Variants in CAMTA1 observed in about 807,000 individuals in gnomAD.
The protein encoded by CAMTA1 is calmodulin-binding transcription activator 1.
CAMTA1 carries 27 observed loss-of-function variants against 170.9 expected under a neutral mutation model. The observed-to-expected ratio is 0.16, with a 90% CI of 0.12 to 0.22. The LOEUF is 0.22. CAMTA1 is among the 10% of genes least tolerant of loss of function. CAMTA1 has a pLI of 1.00. For synonymous variants in CAMTA1, 833 were observed against 891.5 expected, an observed-to-expected ratio of 0.93 and a Z score of 1.17; for missense variants, 1,619 against 2,217.2, an observed-to-expected ratio of 0.73 and a Z score of 5.42.
intron 5 of CAMTA1, among the ~76,000 whole-genome samples, chr1:7,349,466 G>A (rs2084486534): frequency 6.6e-6 from 1 of 152,214 alleles, no homozygotes; most frequent in Admixed American, 6.5e-5. Flanking sequence ...CAGCTGCCTA[G>A]GGCTGATCCC....
intron 21 of CAMTA1, among the ~76,000 whole-genome samples, chr1:7,752,990 A>C (rs1228976759): frequency 6.6e-6 from 1 of 152,218 alleles, no homozygotes; most frequent in Non-Finnish European, 1.5e-5. Flanking sequence ...TTTCCACCAG[A>C]TAGCTGGTGC....
At chr1:6,950,774 A>G (rs550432578) in intron 3 of CAMTA1, among the ~76,000 whole-genome samples, 1 of 149,022 alleles carries the variant, frequency 6.7e-6, no homozygotes, top group Admixed American at 6.8e-5. Flanking sequence ...CATGTACCAC[A>G]AAGCAGGGAG....
chr1:7,149,795 C>T lies in CAMTA1; in HGVS notation c.302+58424C>T, dbSNP rs907451878. 1.5e-4 allele frequency among the ~76,000 whole-genome samples: 23 copies of T among 152,224 alleles called. 1 individual carries two copies. Among genetic ancestry groups the T allele is most frequent in the African/African-American group, 4.6e-4 (19 of 41,526 alleles). ...CAGGTCAGAGCTGGGCCAGAGGTGCCGACGGTGCCCAGGGTAAGGGGATGC... is the reference window on the plus strand; with the variant it reads ...CAGGTCAGAGCTGGGCCAGAGGTGCTGACGGTGCCCAGGGTAAGGGGATGC... On this transcript the variant is annotated intron_variant, in intron 4 of 22. Transcript: ENST00000303635.
intron 6 of CAMTA1, among the ~76,000 whole-genome samples, chr1:7,499,168 A>C (rs1170621898): frequency 9.9e-5 from 2 of 20,120 alleles, no homozygotes; most frequent in Non-Finnish European, 1.7e-4. Context: ...GTGTGTGTGC[A>C]TGTGTGTCCA....
chr1:6,822,830 ACACACACACG>A (rs1646666496), intron 2 of CAMTA1, among the ~76,000 whole-genome samples: 1 of 151,770 alleles, frequency 6.6e-6, no homozygotes, highest in East Asian at 1.9e-4. Context: ...ACACACAAAC[ACACACACACG>A]CACACTCTTT....
At chr1:7,509,506 T>C (rs2094170895) in intron 6 of CAMTA1, among the ~76,000 whole-genome samples, 1 of 152,214 alleles carries the variant, frequency 6.6e-6, no homozygotes, top group Admixed American at 6.5e-5. Flanking sequence ...TGGTTTACTC[T>C]ATTTCTGGAT....
chr1:7,629,985 C>T (rs6691615), intron 6 of CAMTA1, among the ~76,000 whole-genome samples: 29,214 of 152,176 alleles, frequency 0.19, 3,581 homozygotes, highest in African/African-American at 0.34. Flanking sequence ...AGCTCCCATA[C>T]CCTCTGACAC....
At chr1:6,984,958 G>A (rs1695111731) in intron 3 of CAMTA1, among the ~76,000 whole-genome samples, 1 of 152,210 alleles carries the variant, frequency 6.6e-6, no homozygotes, top group South Asian at 2.1e-4. Flanking sequence ...CCAGAGAAAG[G>A]GGTCGTTGTA....
At chr1:6,900,318 C>G (rs911187921) in intron 3 of CAMTA1, among the ~76,000 whole-genome samples, 1 of 152,162 alleles carries the variant, frequency 6.6e-6, no homozygotes, top group Non-Finnish European at 1.5e-5. Context: ...GCCTCCCGTT[C>G]CCGTGCAATG....
At chr1:7,240,896 A>T (rs1664744144) in intron 4 of CAMTA1, among the ~76,000 whole-genome samples, 1 of 152,226 alleles carries the variant, frequency 6.6e-6, no homozygotes, top group African/African-American at 2.4e-5. Context: ...AAAATCAGGA[A>T]CAGGGCAAAG....
At chr1:6,964,806 C>T (rs1175101988) in intron 3 of CAMTA1, among the ~76,000 whole-genome samples, 1 of 152,200 alleles carries the variant, frequency 6.6e-6, no homozygotes, top group Non-Finnish European at 1.5e-5. Flanking sequence ...TGAGATGCCG[C>T]CAGGGATTCT....
At chr1:7,095,017 G>T (rs544829738) in intron 4 of CAMTA1, among the ~76,000 whole-genome samples, 1 of 151,936 alleles carries the variant, frequency 6.6e-6, no homozygotes, top group Non-Finnish European at 1.5e-5. Context: ...TCTCGGGGAG[G>T]TGTCCCTGGC....
In CAMTA1 at chr1:7,137,367, T is replaced by C. The variant is rs917230111; in HGVS notation, c.302+45996T>C. ...GAAAGACCCCCACCAGCTCCTGTTC[T>C]ACTCAAAGTCTAGAAGACCCTGCTG... On this transcript the variant is annotated intron_variant, in intron 4 of 22. Transcript: ENST00000303635. Among the ~76,000 whole-genome samples the C allele has an allele frequency of 2.0e-5, 3 of 152,246 alleles. No homozygotes were observed. In the East Asian group the frequency reaches 5.8e-4, roughly 29 times the overall value.
At chr1:6,960,515 T>C (rs1690203748) in intron 3 of CAMTA1, among the ~76,000 whole-genome samples, 1 of 152,038 alleles carries the variant, frequency 6.6e-6, no homozygotes, top group Non-Finnish European at 1.5e-5. Flanking sequence ...AGAGCTCGTC[T>C]TTCAAAGTCC....
intron 3 of CAMTA1, among the ~76,000 whole-genome samples, chr1:6,827,816 A>C (rs779957703): frequency 6.6e-6 from 1 of 152,180 alleles, no homozygotes; most frequent in Non-Finnish European, 1.5e-5. Context: ...GACTGCCCTT[A>C]TTAAGAGCCC....
At chr1:7,351,256 T>C (rs997670741) in intron 5 of CAMTA1, among the ~76,000 whole-genome samples, 3 of 152,270 alleles carry the variant, frequency 2.0e-5, no homozygotes, top group South Asian at 2.1e-4. Context: ...ATCCGGGGAC[T>C]GCGCAGAGCT....
chr1:6,839,096 A>AT (rs1171021698), intron 3 of CAMTA1, among the ~76,000 whole-genome samples: 1 of 151,714 alleles, frequency 6.6e-6, no homozygotes, highest in African/African-American at 2.4e-5. Context: ...GTTCCATTTA[A>AT]TTTTGGCTGG....
rs141645616 is a variant in CAMTA1, at chr1:7,686,619, G to A, written c.2914+8886G>A. 3.5e-3 allele frequency among the ~76,000 whole-genome samples: 532 copies of A among 152,282 alleles called. 5 individuals carry two copies. Among genetic ancestry groups the A allele is most frequent in the African/African-American group, 0.011 (467 of 41,562 alleles). ...TATTCTGAGGTCAGTGGGGAGCCAC[G>A]GGAGGGGCGTTGCCACACACAGGTG... On this transcript the variant is annotated intron_variant, in intron 11 of 22. Coordinates refer to ENST00000303635, the MANE Select transcript of CAMTA1 (RefSeq NM_015215.4).
chr1:7,222,993 T>C (rs1464418828), intron 4 of CAMTA1, among the ~76,000 whole-genome samples: 1 of 152,264 alleles, frequency 6.6e-6, no homozygotes. Flanking sequence ...ATGCCAAGTC[T>C]TCACTGTCCT....
Sources: allele counts gnomAD v4.1 joint callset (sites outside exome capture counted in the v4.1 genomes callset), GRCh38; gene constraint gnomAD v4.1.1; transcripts MANE v1.5; gene names NCBI Gene and HGNC (gene_info 2026-07-23, HGNC 2026-07-21).